Variants in CALN1 observed in about 807,000 individuals in gnomAD.
CALN1 encodes the protein calcium-binding protein 8.
In CALN1, 17 loss-of-function variants were observed where a neutral mutation model predicts 30.6. The observed-to-expected ratio is 0.56, with a 90% confidence interval of 0.38 to 0.83. The LOEUF (loss-of-function observed/expected upper bound fraction) is 0.83. Ranked by LOEUF, CALN1 falls within the 40% of genes least tolerant of loss-of-function variation. The pLI is 0.00. For synonymous variants in CALN1, 156 were observed against 131.4 expected, an observed-to-expected ratio of 1.19 and a Z score of -1.28; for missense variants, 291 against 354.9, an observed-to-expected ratio of 0.82 and a Z score of 1.45.
intron 2 of CALN1, among the ~76,000 whole-genome samples, chr7:72,298,990 G>GGTA (rs1799060288): frequency 6.6e-6 from 1 of 152,010 alleles, no homozygotes; most frequent in South Asian, 2.1e-4. Flanking sequence ...TCCAGTCTCT[G>GGTA]GTATGTCTTT....
At chr7:71,947,726 A>C (rs1427939744) in intron 5 of CALN1, among the ~76,000 whole-genome samples, 1 of 152,088 alleles carries the variant, frequency 6.6e-6, no homozygotes, top group Non-Finnish European at 1.5e-5. Flanking sequence ...GGATCACCTG[A>C]GGTCAGGAGT....
chr7:72,212,425 T>C (rs1792480867), intron 3 of CALN1, among the ~76,000 whole-genome samples: 1 of 151,570 alleles, frequency 6.6e-6, no homozygotes, highest in Admixed American at 6.6e-5. Context: ...TGAAGGACTA[T>C]GACTAAGGAG....
intron 3 of CALN1, among the ~76,000 whole-genome samples, chr7:72,253,657 A>G (rs1585273923): frequency 6.6e-6 from 1 of 152,244 alleles, no homozygotes; most frequent in African/African-American, 2.4e-5. Flanking sequence ...CCATGATCCA[A>G]TCATCTCCCA....
chr7:72,409,046 A>C (rs1806912568), intron 1 of CALN1, among the ~76,000 whole-genome samples: 1 of 151,504 alleles, frequency 6.6e-6, no homozygotes, highest in Non-Finnish European at 1.5e-5. Flanking sequence ...CCCACACTAG[A>C]CTGCAGTGGC....
chr7:72,260,810 A>G (rs1585292659), intron 3 of CALN1, among the ~76,000 whole-genome samples: 1 of 152,150 alleles, frequency 6.6e-6, no homozygotes, highest in East Asian at 1.9e-4. Context: ...GATGGCAGAG[A>G]AGCAAGCTCT....
rs201757110 is a variant in CALN1 at position 72,368,149 on chromosome 7, A to ATG, written c.119+35100_119+35101dup. Among the ~76,000 whole-genome samples the ATG allele has an allele frequency of 1.2e-3, 184 of 150,418 alleles. 1 individual carries two copies. Among genetic ancestry groups the ATG allele is most frequent in the African/African-American group, 4.4e-3 (176 of 40,326 alleles). On this transcript the variant is annotated intron_variant, in intron 2 of 6. Coordinates refer to ENST00000395275, the MANE Select transcript of CALN1 (RefSeq NM_031468.4). ...AAAATACATATCTGTATCTATATCT[A>ATG]TGTGTGTGTATATATATATGTGTAT...
At chr7:72,182,926 G>A (rs1185822584) in intron 3 of CALN1, among the ~76,000 whole-genome samples, 1 of 152,146 alleles carries the variant, frequency 6.6e-6, no homozygotes, top group African/African-American at 2.4e-5. Context: ...AAGGTCGAAC[G>A]GGACCAGGTG....
chr7:71,979,527 G>A (rs1455272504), intron 5 of CALN1, among the ~76,000 whole-genome samples: 1 of 152,110 alleles, frequency 6.6e-6, no homozygotes, highest in Non-Finnish European at 1.5e-5. Flanking sequence ...GATCTGGCAG[G>A]AGGCAGAGCT....
intron 5 of CALN1, among the ~76,000 whole-genome samples, chr7:71,929,155 G>C (rs570106382): frequency 8.5e-5 from 13 of 152,206 alleles, no homozygotes; most frequent in Non-Finnish European, 1.8e-4. Context: ...AAGGGTACAT[G>C]TGCAGGATGT....
At chr7:72,249,910 C>T (rs1795434060) in intron 3 of CALN1, among the ~76,000 whole-genome samples, 1 of 143,566 alleles carries the variant, frequency 7.0e-6, no homozygotes, top group South Asian at 2.2e-4. Flanking sequence ...GCACTCCAGC[C>T]TGGGTGACAG....
At chr7:72,411,999 G>C (rs576903746) in intron 1 of CALN1, 59 bp downstream of exon 1, 8 of 152,220 alleles carry the variant, frequency 5.3e-5, no homozygotes, top group African/African-American at 1.9e-4. Context: ...TCCCAAACCT[G>C]GCCCAGCTGG....
At chr7:72,030,925 T>A (rs1175391454) in intron 4 of CALN1, among the ~76,000 whole-genome samples, 1 of 151,996 alleles carries the variant, frequency 6.6e-6, no homozygotes, top group Non-Finnish European at 1.5e-5. Flanking sequence ...CTTTTAAAAT[T>A]TTTTCAGAGA....
chr7:72,337,401 C>T (rs892613360), intron 2 of CALN1, among the ~76,000 whole-genome samples: 45 of 108,334 alleles, frequency 4.2e-4, no homozygotes, highest in Admixed American at 7.3e-4. Flanking sequence ...CGCCTCGGCG[C>T]GCGCGCACTC....
chr7:71,954,062 G>A (rs148935355), intron 5 of CALN1, among the ~76,000 whole-genome samples: 10 of 152,324 alleles, frequency 6.6e-5, no homozygotes, highest in East Asian at 1.9e-4. Flanking sequence ...AGTGGCCCAC[G>A]CCTGTAATCC....
intron 5 of CALN1, among the ~76,000 whole-genome samples, chr7:71,908,493 C>T (rs1443203475): frequency 5.9e-5 from 9 of 152,136 alleles, no homozygotes; most frequent in Non-Finnish European, 1.3e-4. Context: ...AAAGGTGACC[C>T]TGGAAGTCTG....
intron 3 of CALN1, among the ~76,000 whole-genome samples, chr7:72,202,106 T>C (rs946297115): frequency 2.0e-5 from 3 of 151,486 alleles, no homozygotes; most frequent in Non-Finnish European, 4.4e-5. Flanking sequence ...AAAGGAAAAA[T>C]GAAATGGAAG....
chr7:72,184,206 C>T (rs11983577), intron 3 of CALN1, among the ~76,000 whole-genome samples: 3,957 of 152,284 alleles, frequency 0.026, 181 homozygotes, highest in African/African-American at 0.09. Context: ...TCTTCGAATA[C>T]GTTGACATAT....
At chr7:72,327,147 T>C (rs1262674637) in intron 2 of CALN1, among the ~76,000 whole-genome samples, 1 of 152,186 alleles carries the variant, frequency 6.6e-6, no homozygotes, top group African/African-American at 2.4e-5. Context: ...AAGGTCAACT[T>C]GGGCTTTATG....
At chr7:72,073,337 A>C (rs1011487518) in intron 4 of CALN1, among the ~76,000 whole-genome samples, 3 of 152,238 alleles carry the variant, frequency 2.0e-5, no homozygotes, top group Non-Finnish European at 2.9e-5. Flanking sequence ...GATGCTTATT[A>C]AACAATATTT....
Sources: gnomAD v4.1 joint callset for allele counts (sites outside exome capture counted in the v4.1 genomes callset) on GRCh38, gnomAD v4.1.1 for gene constraint, MANE v1.5 for transcripts, NCBI Gene and HGNC (gene_info 2026-07-23, HGNC 2026-07-21) for gene names.